Variants in LRRTM4 observed in about 807,000 individuals in gnomAD.
LRRTM4 encodes leucine rich repeat transmembrane neuronal 4.
In LRRTM4, 25 loss-of-function variants were observed where a neutral mutation model predicts 47.6. That is an observed-to-expected ratio of 0.53 (90% CI 0.38 to 0.73). LRRTM4 has a LOEUF of 0.73. Among genes scored for constraint, LRRTM4 ranks in the 30% least tolerant of loss-of-function variants. The probability of loss-of-function intolerance (pLI) is 0.00; values close to 1 mark genes in which losing one functional copy is unlikely to be tolerated. For synonymous variants in LRRTM4, 311 were observed against 269.5 expected (o/e 1.15, Z -1.51); for missense variants, 638 against 713.4 (o/e 0.89, Z 1.20).
chr2:77,314,676 A>G (rs11126602), intron 3 of LRRTM4, among the ~76,000 whole-genome samples: 1 of 151,978 alleles, frequency 6.6e-6, no homozygotes, highest in African/African-American at 2.4e-5. Flanking sequence ...ACCCTTAGGG[A>G]TCTTTAGAGG....
intron 3 of LRRTM4, among the ~76,000 whole-genome samples, chr2:77,431,932 G>A (rs1003830929): frequency 4.0e-5 from 6 of 151,762 alleles, no homozygotes; most frequent in African/African-American, 1.5e-4. Flanking sequence ...AAATTAGCCG[G>A]GCATGGTGGC....
intron 3 of LRRTM4, among the ~76,000 whole-genome samples, chr2:77,240,727 G>A (rs1164690785): frequency 6.6e-6 from 1 of 151,950 alleles, no homozygotes; most frequent in East Asian, 1.9e-4. Flanking sequence ...CAGTTAAAAG[G>A]TCAATGTATC....
At chr2:77,074,340 T>A (rs1680262612) in intron 3 of LRRTM4, among the ~76,000 whole-genome samples, 1 of 152,168 alleles carries the variant, frequency 6.6e-6, no homozygotes, top group Admixed American at 6.5e-5. Context: ...CTGATCATCT[T>A]CAAATTTGGA....
intron 3 of LRRTM4, among the ~76,000 whole-genome samples, chr2:76,924,495 A>G (rs1674527744): frequency 6.6e-6 from 1 of 152,006 alleles, no homozygotes. Flanking sequence ...ATTCTATTTT[A>G]TTTAAAAGAT....
At chr2:77,321,835 A>T (rs1377740515) in intron 3 of LRRTM4, among the ~76,000 whole-genome samples, 2 of 152,094 alleles carry the variant, frequency 1.3e-5, no homozygotes, top group African/African-American at 4.8e-5. Flanking sequence ...GCTTTAAAAG[A>T]CTGTTAATAT....
intron 3 of LRRTM4, among the ~76,000 whole-genome samples, chr2:76,762,707 G>C (rs1170047852): frequency 6.6e-6 from 1 of 152,122 alleles, no homozygotes; most frequent in Non-Finnish European, 1.5e-5. Flanking sequence ...TGCCTGAATT[G>C]CTAGCACTTT....
At chr2:77,172,891 A>G (rs1037681767) in intron 3 of LRRTM4, among the ~76,000 whole-genome samples, 2 of 152,228 alleles carry the variant, frequency 1.3e-5, no homozygotes, top group African/African-American at 4.8e-5. Context: ...GTTTATTTCC[A>G]TGTCATGCTA....
chr2:77,056,281 T>C (rs947755593), intron 3 of LRRTM4, among the ~76,000 whole-genome samples: 8 of 152,140 alleles, frequency 5.3e-5, no homozygotes, highest in African/African-American at 1.9e-4. Flanking sequence ...AAGATGCCCT[T>C]CTATGAAATA....
intron 3 of LRRTM4, among the ~76,000 whole-genome samples, chr2:76,819,353 A>C (rs1165048989): frequency 2.6e-5 from 4 of 151,834 alleles, no homozygotes. Context: ...AATAGTACGC[A>C]TACTTCCCAA....
At chr2:76,921,457 T>C (rs778384998) in intron 3 of LRRTM4, among the ~76,000 whole-genome samples, 2 of 152,076 alleles carry the variant, frequency 1.3e-5, no homozygotes, top group African/African-American at 2.4e-5. Context: ...TCCCCCTTTT[T>C]TTCATGCTCT....
chr2:77,521,394 A>T (rs1026066292), intron 2 of LRRTM4, among the ~76,000 whole-genome samples: 1 of 152,070 alleles, frequency 6.6e-6, no homozygotes, highest in African/African-American at 2.4e-5. Flanking sequence ...CTGAATTCCC[A>T]AGCTGTGGAT....
intron 3 of LRRTM4, among the ~76,000 whole-genome samples, chr2:76,802,719 A>C (rs557242617): frequency 5.9e-5 from 9 of 152,272 alleles, no homozygotes; most frequent in African/African-American, 2.2e-4. Context: ...AGTATACTAC[A>C]AAGCTATACT....
chr2:76,999,794 G>A (rs1221890948), intron 3 of LRRTM4, among the ~76,000 whole-genome samples: 1 of 151,964 alleles, frequency 6.6e-6, no homozygotes, highest in Non-Finnish European at 1.5e-5. Flanking sequence ...ACTTGTCTCA[G>A]GATCTCAACT....
chr2:77,402,332 G>C (rs1470606627), intron 3 of LRRTM4, among the ~76,000 whole-genome samples: 1 of 151,764 alleles, frequency 6.6e-6, no homozygotes. Context: ...ATTTTTTGTA[G>C]AGATGGGGGT....
At chr2:77,377,210 T>C (rs1239044260) in intron 3 of LRRTM4, among the ~76,000 whole-genome samples, 1 of 151,936 alleles carries the variant, frequency 6.6e-6, no homozygotes, top group East Asian at 1.9e-4. Context: ...TGTTCATTTT[T>C]CCAAGAATCA....
intron 3 of LRRTM4, among the ~76,000 whole-genome samples, chr2:76,977,732 G>A (rs1316803565): frequency 6.6e-6 from 1 of 151,876 alleles, no homozygotes; most frequent in African/African-American, 2.4e-5. Flanking sequence ...TGTTATAATG[G>A]TTATCAACTG....
intron 3 of LRRTM4, among the ~76,000 whole-genome samples, chr2:77,007,634 A>G (rs1298410212): frequency 2.0e-5 from 3 of 152,334 alleles, no homozygotes; most frequent in South Asian, 4.1e-4. Context: ...TTTGGCTGAC[A>G]TATTATCGAA....
chr2:77,318,926 C>T (rs935447884), intron 3 of LRRTM4, among the ~76,000 whole-genome samples: 3 of 151,570 alleles, frequency 2.0e-5, no homozygotes, highest in African/African-American at 4.9e-5. Context: ...ATAATTGCAC[C>T]CTCTGTATAC....
chr2:77,365,946 A>G (rs1236670050), intron 3 of LRRTM4, among the ~76,000 whole-genome samples: 1 of 148,834 alleles, frequency 6.7e-6, no homozygotes, highest in Non-Finnish European at 1.5e-5. Context: ...TTCCTACATT[A>G]TATATATATA....
Sources: allele counts gnomAD v4.1 joint callset (sites outside exome capture counted in the v4.1 genomes callset), GRCh38; gene constraint gnomAD v4.1.1; transcripts MANE v1.5; gene names NCBI Gene and HGNC (gene_info 2026-07-23, HGNC 2026-07-21).